HDAC6: variants seen among roughly 807,000 people sequenced by gnomAD.
HDAC6 encodes protein deacetylase HDAC6.
Under a neutral mutation model 88.9 loss-of-function variants are expected in HDAC6, and 5 were observed. The ratio of observed to expected loss-of-function variants is 0.06; its 90% CI spans 0.03 to 0.12. HDAC6 has a LOEUF of 0.12. Ranked by LOEUF, HDAC6 falls within the 10% of genes least tolerant of loss-of-function variation. The pLI is 1.00. For synonymous variants in HDAC6, 378 were observed against 398.0 expected, an observed-to-expected ratio of 0.95 and a Z score of 0.60; for missense variants, 706 against 1,014.4, an observed-to-expected ratio of 0.70 and a Z score of 4.13.
At chrX:48,812,819 C>A (rs1158709852) in intron 10 of HDAC6, among the ~76,000 whole-genome samples, 1 of 112,143 alleles carries the variant, frequency 8.9e-6, no homozygotes, top group Non-Finnish European at 1.9e-5. Flanking sequence ...GCTAGTTCTG[C>A]TGTTTATTGA....
chrX:48,818,487 ATG>A (rs2063027739), intron 22 of HDAC6, 75 bp downstream of exon 22: 119 of 873,046 alleles, frequency 1.4e-4, no homozygotes, highest in Non-Finnish European at 1.7e-4. Context: ...CCTCCTTGGC[ATG>A]TGTGTGTGTG....
rs2063139317 is a variant in HDAC6, at chrX:48,824,674, C to G, written c.*62C>G. 4.2e-6 allele frequency: 5 copies of G among 1,179,927 alleles called. No individual in the cohort carries two copies. In the East Asian group the frequency reaches 1.5e-4, roughly 36 times the overall value. ...CACGATAGACCAGCTGTAGCTCATT[C>G]CAGCCTGTACCTTGGATGAGGGGTA... On this transcript the variant is annotated 3_prime_UTR_variant, in exon 29 of 29. Transcript: ENST00000334136.
rs2062826246 is a variant in HDAC6 at position 48,806,821 on chromosome X, G to A, written c.632+115G>A. ...GATTCAAGAATCCAAAGGTAAAAAA[G>A]AGAATATAATTAAAAATCTGTCTCC... On this transcript the variant is annotated intron_variant, in intron 8 of 28. Transcript: ENST00000334136. 3 of 461,708 alleles carry A rather than the reference G, an allele frequency of 6.5e-6. No individual in the cohort carries two copies. In the African/African-American group the frequency reaches 7.3e-5, roughly 11 times the overall value. The allele number at this position is 461,708 out of a possible 1,213,427, so 38.0% of individuals were successfully genotyped here. A position where few individuals can be genotyped will look rare whatever the true frequency, so the allele number is the denominator to read the frequency against.
chrX:48,822,449 G>T (rs1020836595), intron 23 of HDAC6, among the ~76,000 whole-genome samples, 171 bp from the exon 24 acceptor site: 3 of 111,542 alleles, frequency 2.7e-5, no homozygotes, highest in African/African-American at 9.8e-5. Context: ...TTACACAGTG[G>T]GTGCTGCCTA....
intron 14 of HDAC6, 23 bp from the exon 15 acceptor site, chrX:48,815,361 C>A (rs376189568): frequency 5.2e-5 from 57 of 1,090,051 alleles, no homozygotes; most frequent in Non-Finnish European, 7.0e-5. Flanking sequence ...TTCCTGATCC[C>A]CCTTCACAAC....
At chrX:48,818,491 G>C (rs1310882514) in intron 22 of HDAC6, 79 bp downstream of exon 22, 21 of 837,397 alleles carry the variant, frequency 2.5e-5, no homozygotes, top group Non-Finnish European at 3.5e-5. Flanking sequence ...CTTGGCATGT[G>C]TGTGTGTGAC....
In HDAC6 at chrX:48,816,189, G is replaced by A; in HGVS notation, c.1542G>A (p.Leu514=). The change falls in exon 18 of 29, where the codon CTG becomes CTA. Residue 514 remains leucine (L), a synonymous_variant. Coordinates refer to ENST00000334136, the MANE Select transcript of HDAC6 (RefSeq NM_006044.4). Reference sequence around the variant, plus strand: ...GCATCTTGCGGATCATGTGCCGTCTGGAGGAGCTGGGCCTTGCCGGGCGCT... The same window carrying A: ...GCATCTTGCGGATCATGTGCCGTCTAGAGGAGCTGGGCCTTGCCGGGCGCT... The part of the protein sequence containing the change: ...PQRILRIMCR[L]EELGLAGRCL... 1 of 1,211,186 alleles carries A rather than the reference G, an allele frequency of 8.3e-7. No homozygotes were observed. The highest frequency in any genetic ancestry group is 1.1e-6 in the Non-Finnish European group (1 of 895,450).
chrX:48,802,658 C>A lies in HDAC6; in HGVS notation c.-30-5C>A. Reference sequence around the variant, plus strand: ...ACATACCCACGCTCCTCCCCCCACCCCCAGAACCGCGGCAGGGGCCAAGCC... The same window carrying A: ...ACATACCCACGCTCCTCCCCCCACCACCAGAACCGCGGCAGGGGCCAAGCC... On this transcript the variant is annotated splice_polypyrimidine_tract_variant and splice_region_variant and intron_variant, in intron 1 of 28. Coordinates refer to ENST00000334136, the MANE Select transcript of HDAC6 (RefSeq NM_006044.4). 8.4e-7 allele frequency: 1 copy of A among 1,183,540 alleles called. No homozygotes were observed. Among genetic ancestry groups the A allele is most frequent in the East Asian group, 3.2e-5 (1 of 31,701 alleles).
In HDAC6 at chrX:48,820,054, T is replaced by C. The variant is rs781944555; in HGVS notation, c.2188-52T>C. On this transcript the variant is annotated intron_variant, in intron 22 of 28. Coordinates refer to ENST00000334136, the MANE Select transcript of HDAC6 (RefSeq NM_006044.4). ...CTCTGGGTCGCCATCACTTACTGCC[T>C]ACCAAAAGCCCCTACCCTCATGCTT... is the stretch of plus-strand genomic sequence containing the variant. 4 of 1,173,884 alleles carry C rather than the reference T, an allele frequency of 3.4e-6. No homozygotes were observed. In the South Asian group the frequency reaches 5.3e-5, roughly 16 times the overall value.
chrX:48,806,046 CA>C, intron 6 of HDAC6: 1 of 356,812 alleles, frequency 2.8e-6, no homozygotes, highest in Non-Finnish European at 4.9e-6. Flanking sequence ...GCTTCCAGAG[CA>C]GGTATCTGAG....
At chrX:48,808,660 T>C (rs1376330941) in intron 10 of HDAC6, among the ~76,000 whole-genome samples, 5 of 112,540 alleles carry the variant, frequency 4.4e-5, no homozygotes, top group Non-Finnish European at 9.4e-5. Flanking sequence ...CTCAAATTAC[T>C]GCTTTATTTT....
chrX:48,801,972 C>G, upstream of HDAC6: 2 of 965,578 alleles, frequency 2.1e-6, no homozygotes, highest in Non-Finnish European at 2.7e-6. Context: ...ACGGCGGAGG[C>G]GGGAAGGGGG....
chrX:48,822,868 G>C, intron 24 of HDAC6, 44 bp from the exon 25 acceptor site: 2 of 1,160,647 alleles, frequency 1.7e-6, no homozygotes, highest in East Asian at 3.0e-5. Flanking sequence ...GAGGCAGGAA[G>C]GGTGACAGTA....
rs2063126858 is a variant in HDAC6, at chrX:48,823,984, A to G, written c.3366A>G (p.Ile1122Met). Residue 1122 changes from isoleucine (I) to methionine (M), a missense_variant, in exon 27 of 29, where the codon ATA becomes ATG. By Grantham distance (10) the Ile-to-Met change is conservative. Around this residue, in one of 9 missense-constraint regions of HDAC6, gnomAD observed 112 missense variants for 95.1 expected, o/e 1.18. Coordinates refer to ENST00000334136, the MANE Select transcript of HDAC6 (RefSeq NM_006044.4). Reference sequence around the variant, plus strand: ...CCCATTTGGTGGCAGTATGCCCCATACCTGCAGCAGGCCTAGACGTGACCC... The same window carrying G: ...CCCATTTGGTGGCAGTATGCCCCATGCCTGCAGCAGGCCTAGACGTGACCC... ...WCPHLVAVCP[I>M]PAAGLDVTQP... The G allele has an allele frequency of 3.3e-6, 4 of 1,209,421 alleles. No homozygotes were observed. In the Admixed American group the frequency reaches 6.6e-5, roughly 20 times the overall value.
At position 48,814,958 on chromosome X, in the gene HDAC6, C is replaced by T; in HGVS notation, c.1060-4C>T. 1 of 1,210,366 alleles carries T rather than the reference C, an allele frequency of 8.3e-7. No individual in the cohort carries two copies. Among genetic ancestry groups the T allele is most frequent in the South Asian group, 1.8e-5 (1 of 56,819 alleles). ...AGCCAGGCTGACCCTCCATGTCCCCCCAGGGTGAGATGGCCGCCACTCCGG... is the reference window on the plus strand; with the variant it reads ...AGCCAGGCTGACCCTCCATGTCCCCTCAGGGTGAGATGGCCGCCACTCCGG... On this transcript the variant is annotated splice_polypyrimidine_tract_variant and splice_region_variant and intron_variant, in intron 13 of 28. Coordinates refer to ENST00000334136, the MANE Select transcript of HDAC6 (RefSeq NM_006044.4).
upstream of HDAC6, chrX:48,801,735 T>C (rs1425526769): frequency 1.7e-6 from 1 of 587,551 alleles, no homozygotes; most frequent in Non-Finnish European, 2.3e-6. Flanking sequence ...GCCCCGCCGC[T>C]TGTGAGCTCG....
At chrX:48,824,369 G>C in intron 28 of HDAC6, 75 bp downstream of exon 28, 1 of 1,146,581 alleles carries the variant, frequency 8.7e-7, no homozygotes, top group Non-Finnish European at 1.2e-6. Flanking sequence ...ATTGGGTAAA[G>C]GGAGACCACA....
intron 19 of HDAC6, chrX:48,817,031 C>T (rs1264421333): frequency 1.2e-5 from 3 of 251,301 alleles, no homozygotes; most frequent in Admixed American, 1.3e-4. Context: ...GGGCAGATCA[C>T]GAGGTCAGGA....
chrX:48,822,715 C>T lies in HDAC6; in HGVS notation c.2433C>T (p.Pro811=). The change falls in exon 24 of 29, where the codon CCC becomes CCT. Residue 811 remains proline, a synonymous_variant. Transcript: ENST00000334136. ...DPPPLLTLPR[P]PLSGALASIT... ...CACCCCTGCTGACCCTGCCACGGCC[C>T]CCACTATCAGGGGCCCTGGCCTCAA... The T allele has an allele frequency of 8.3e-7, 1 of 1,210,855 alleles. No homozygotes were observed. The highest frequency in any genetic ancestry group is 1.1e-6 in the Non-Finnish European group (1 of 894,728).
Sources: allele counts gnomAD v4.1 joint callset (sites outside exome capture counted in the v4.1 genomes callset), GRCh38; gene constraint gnomAD v4.1.1; regional missense constraint gnomAD v4.1.1; transcripts MANE v1.5; gene names NCBI Gene and HGNC (gene_info 2026-07-23, HGNC 2026-07-21).